FREM3: variants seen among roughly 807,000 people sequenced by gnomAD.
FREM3 encodes the protein FRAS1 related extracellular matrix 3, also known as FRAS1-related extracellular matrix protein 3.
FREM3 carries 105 observed loss-of-function variants against 129.1 expected under a neutral mutation model. That is an observed-to-expected ratio of 0.81 (90% CI 0.69 to 0.96). FREM3 has a LOEUF of 0.96. FREM3 is among the 40% of genes least tolerant of loss of function. The probability of loss-of-function intolerance (pLI) is 0.00; values close to 1 mark genes in which losing one functional copy is unlikely to be tolerated. For missense variants in FREM3, 2,593 were observed against 2,666.3 expected (o/e 0.97, Z 0.61); for synonymous variants, 1,014 against 1,044.9 (o/e 0.97, Z 0.57).
chr4:143,686,242 A>G (rs1740361742), intron 2 of FREM3, among the ~76,000 whole-genome samples: 1 of 152,226 alleles, frequency 6.6e-6, no homozygotes, highest in Non-Finnish European at 1.5e-5. Context: ...GACATTATAT[A>G]GTGGTAAAAG....
chr4:143,589,696 T>G (rs2149834537), intron 6 of FREM3, among the ~76,000 whole-genome samples: 1 of 152,330 alleles, frequency 6.6e-6, no homozygotes, highest in African/African-American at 2.4e-5. Context: ...CTTTGTTCTT[T>G]TGGCTTAGGA....
chr4:143,598,823 T>C lies in FREM3; in HGVS notation c.6028+12456A>G, dbSNP rs187233851. On this transcript the variant is annotated intron_variant, in intron 6 of 7. Coordinates refer to ENST00000329798, the MANE Select transcript of FREM3 (RefSeq NM_001168235.2). ...TACAGTATTCAGTACAGTAACATGC[T>C]GTACAGATGTGTAGCCTAGGAGTAA... is the stretch of plus-strand genomic sequence containing the variant. Among the ~76,000 whole-genome samples the C allele has an allele frequency of 2.3e-3, 346 of 152,352 alleles. 2 individuals carry two copies. Among genetic ancestry groups the C allele is most frequent in the African/African-American group, 7.9e-3 (328 of 41,594 alleles).
chr4:143,698,523 T>C lies in FREM3; in HGVS notation c.2153A>G (p.Tyr718Cys). The C allele has an allele frequency of 6.5e-7, 1 of 1,537,646 alleles. No individual in the cohort carries two copies. The highest frequency in any genetic ancestry group is 8.7e-7 in the Non-Finnish European group (1 of 1,147,018). The stretch of plus-strand genomic sequence containing the variant: ...ATTCTTCTGGAAGTGAGTGAGTTGG[T>C]ATTCTTGTACAGTCATTTCTAGTGT... ...GTTLEMTVQE[Y>C]QLTHFQKNFL... The change falls in exon 1 of 8, where the codon TAC (tyrosine) becomes TGC (cysteine). Residue 718 changes from tyrosine (Y) to cysteine (C), a missense_variant. By Grantham distance (194) the Tyr-to-Cys change is radical. Around this residue, in one of 2 missense-constraint regions of FREM3, gnomAD observed 2,276 missense variants for 2,267.2 expected, o/e 1.00. Transcript: ENST00000329798.
In FREM3 at chr4:143,627,633, A is replaced by G; in HGVS notation, c.5403T>C (p.Leu1801=). 1 of 1,536,324 alleles carries G rather than the reference A, an allele frequency of 6.5e-7. No homozygotes were observed. ...LEVTLTRRGY[L]GETSFISIGT... ...ACTTACTGATAAATGATGTTTCTCCAAGGTATCCTCTGCGTGTAAGGGTCA... is the reference window on the plus strand; with the variant it reads ...ACTTACTGATAAATGATGTTTCTCCGAGGTATCCTCTGCGTGTAAGGGTCA... Residue 1801 remains leucine (L), a synonymous_variant, in exon 3 of 8, where the codon CTT becomes CTC. Transcript: ENST00000329798.
intron 5 of FREM3, among the ~76,000 whole-genome samples, chr4:143,619,767 A>G (rs1221576953): frequency 6.6e-6 from 1 of 151,956 alleles, no homozygotes; most frequent in Admixed American, 6.6e-5. Flanking sequence ...TTTGCTGGGG[A>G]CCTCAAGGCC....
intron 2 of FREM3, among the ~76,000 whole-genome samples, chr4:143,655,999 A>G (rs780028454): frequency 1.3e-5 from 2 of 152,184 alleles, no homozygotes; most frequent in Admixed American, 1.3e-4. Flanking sequence ...ATTACCTACA[A>G]TAAGTGTTAT....
intron 2 of FREM3, among the ~76,000 whole-genome samples, chr4:143,675,893 TA>T (rs1474311169): frequency 1.3e-5 from 2 of 152,104 alleles, no homozygotes; most frequent in African/African-American, 4.8e-5. Flanking sequence ...ACTGAGGCAA[TA>T]ATTAATAGCT....
chr4:143,591,545 C>T lies in FREM3; in HGVS notation c.6029-5552G>A, dbSNP rs192346901. Among the ~76,000 whole-genome samples the T allele has an allele frequency of 9.1e-3, 1,379 of 151,546 alleles. 69 individuals are homozygous for T. The highest frequency in any genetic ancestry group is 0.082 in the Admixed American group (1,247 of 15,204). On this transcript the variant is annotated intron_variant, in intron 6 of 7. Transcript: ENST00000329798. The stretch of plus-strand genomic sequence containing the variant: ...GTTGTTCAGTTTCCATGTAGTTGAG[C>T]GGTTTTGAGTGAGTTTCTTAATCCT...
intron 1 of FREM3, 55 bp downstream of exon 1, chr4:143,695,436 G>A: frequency 7.2e-7 from 1 of 1,395,182 alleles, no homozygotes; most frequent in Non-Finnish European, 9.6e-7. Flanking sequence ...AAAGCTGAGA[G>A]ATCTGATCCA....
chr4:143,619,528 CA>C (rs1738910467), intron 5 of FREM3, among the ~76,000 whole-genome samples: 1 of 152,126 alleles, frequency 6.6e-6, no homozygotes, highest in South Asian at 2.1e-4. Context: ...TATTTGTCCT[CA>C]CCTACTCCCC....
At chr4:143,662,601 G>T (rs527958491) in intron 2 of FREM3, among the ~76,000 whole-genome samples, 4 of 151,314 alleles carry the variant, frequency 2.6e-5, no homozygotes, top group East Asian at 1.9e-4. Context: ...TATTAGGTCC[G>T]CTTGGTGCAG....
chr4:143,593,027 G>A (rs1001269859), intron 6 of FREM3, among the ~76,000 whole-genome samples: 2 of 151,996 alleles, frequency 1.3e-5, no homozygotes, highest in African/African-American at 2.4e-5. Context: ...CCAGTTGATC[G>A]CATCGGTTAC....
intron 2 of FREM3, among the ~76,000 whole-genome samples, chr4:143,660,892 C>T (rs1204122802): frequency 1.3e-5 from 2 of 151,960 alleles, no homozygotes; most frequent in South Asian, 2.1e-4. Context: ...GTTTGTCTGT[C>T]ATTGGTGTAT....
At position 143,660,935 on chromosome 4, in the gene FREM3, G is replaced by C. The variant is rs6537164; in HGVS notation, c.5275+32178C>G. On this transcript the variant is annotated intron_variant, in intron 2 of 7. Transcript: ENST00000329798. The stretch of plus-strand genomic sequence containing the variant: ...TTTGTGATTTTTGTACATTGATTTT[G>C]TATCCTGAGACTTTGCTGAAGTTGC... 2.6e-5 allele frequency among the ~76,000 whole-genome samples: 4 copies of C among 151,998 alleles called. No homozygotes were observed. In the South Asian group the frequency reaches 8.3e-4, roughly 32 times the overall value.
chr4:143,659,071 TTTTA>T (rs1739652864), intron 2 of FREM3, among the ~76,000 whole-genome samples: 1 of 134,276 alleles, frequency 7.4e-6, no homozygotes, highest in Non-Finnish European at 1.6e-5. Context: ...AATTTCTTTA[TTTTA>T]TTTATTATTT....
chr4:143,660,922 G>T (rs1170597122), intron 2 of FREM3, among the ~76,000 whole-genome samples: 3 of 152,030 alleles, frequency 2.0e-5, no homozygotes, highest in Non-Finnish European at 2.9e-5. Flanking sequence ...TGTGATTTTT[G>T]TACATTGATT....
In FREM3 at chr4:143,621,068, C is replaced by T. The variant is rs368009031; in HGVS notation, c.5748G>A (p.Gln1916=). The stretch of plus-strand genomic sequence containing the variant: ...GTGTGGAGCAAATGACGATTAGTTC[C>T]TGGCTTGCATCTCCAGATCGTCTTA... ...IPVRRSGDAS[Q]ELIVICSTRQ... is the part of the protein sequence containing the mutation. The change falls in exon 5 of 8, where the codon CAG becomes CAA. Residue 1916 remains glutamine, a synonymous_variant. Coordinates refer to ENST00000329798, the MANE Select transcript of FREM3 (RefSeq NM_001168235.2). The T allele has an allele frequency of 3.3e-6, 5 of 1,537,204 alleles. No homozygotes were observed. Among genetic ancestry groups the T allele is most frequent in the Non-Finnish European group, 4.4e-6 (5 of 1,146,906 alleles).
intron 1 of FREM3, among the ~76,000 whole-genome samples, chr4:143,694,192 G>C (rs1019190302): frequency 4.6e-5 from 7 of 152,176 alleles, no homozygotes; most frequent in African/African-American, 1.7e-4. Flanking sequence ...GCTACTATGT[G>C]CATATTCTCT....
chr4:143,587,659 A>T (rs996844594), intron 6 of FREM3, among the ~76,000 whole-genome samples: 2 of 152,160 alleles, frequency 1.3e-5, no homozygotes, highest in Non-Finnish European at 2.9e-5. Flanking sequence ...GAGTAGCAGG[A>T]AAGTTCTTTC....
Sources: gnomAD v4.1 joint callset for allele counts (sites outside exome capture counted in the v4.1 genomes callset) on GRCh38, gnomAD v4.1.1 for gene constraint, gnomAD v4.1.1 regional missense constraint, MANE v1.5 for transcripts, NCBI Gene and HGNC (gene_info 2026-07-23, HGNC 2026-07-21) for gene names.